The following B3GAT2 variants were observed in gnomAD, a reference collection of about 807,000 sequenced individuals.
B3GAT2 encodes beta-1,3-glucuronyltransferase 2.
Under a neutral mutation model 27.8 loss-of-function variants are expected in B3GAT2, and 26 were observed. The observed-to-expected ratio is 0.93, with a 90% confidence interval of 0.68 to 1.30. B3GAT2 has a LOEUF of 1.30. Among genes scored for constraint, B3GAT2 ranks in the 50% most tolerant of loss-of-function variants. The pLI is 0.00. For missense variants in B3GAT2, 458 were observed against 459.0 expected (o/e 1.00, Z 0.02); for synonymous variants, 218 against 195.1 (o/e 1.12, Z -0.98).
intron 1 of B3GAT2, among the ~76,000 whole-genome samples, chr6:70,914,422 G>C (rs1484511204): frequency 6.6e-6 from 1 of 152,126 alleles, no homozygotes; most frequent in Non-Finnish European, 1.5e-5. Context: ...TGAGAACGAT[G>C]ATTTCCAGCT....
chr6:70,905,953 T>A (rs535408961), intron 1 of B3GAT2, among the ~76,000 whole-genome samples: 12 of 152,138 alleles, frequency 7.9e-5, no homozygotes, highest in Admixed American at 3.3e-4. Context: ...CTGGGGCATG[T>A]ATTGGATTGT....
At chr6:70,872,997 T>C (rs1771961313) in intron 2 of B3GAT2, among the ~76,000 whole-genome samples, 1 of 152,092 alleles carries the variant, frequency 6.6e-6, no homozygotes, top group South Asian at 2.1e-4. Context: ...GCTATTATTG[T>C]CATAAAAATT....
chr6:70,901,835 C>T (rs1772504184), intron 1 of B3GAT2, among the ~76,000 whole-genome samples: 1 of 152,096 alleles, frequency 6.6e-6, no homozygotes, highest in Non-Finnish European at 1.5e-5. Flanking sequence ...CAGTATTGTT[C>T]TATGTATGAA....
chr6:70,877,549 G>C (rs1200408324), intron 2 of B3GAT2, among the ~76,000 whole-genome samples: 1 of 152,104 alleles, frequency 6.6e-6, no homozygotes, highest in Admixed American at 6.5e-5. Flanking sequence ...CTCCTTCAAA[G>C]GGGCTTCTAA....
intron 1 of B3GAT2, among the ~76,000 whole-genome samples, chr6:70,930,505 AAAC>A (rs1028237711): frequency 6.6e-6 from 1 of 152,234 alleles, no homozygotes; most frequent in African/African-American, 2.4e-5. Flanking sequence ...AGAAAAAATC[AAAC>A]AACCCCATCA....
chr6:70,912,115 TTTTC>T (rs1772698415), intron 1 of B3GAT2, among the ~76,000 whole-genome samples: 1 of 152,076 alleles, frequency 6.6e-6, no homozygotes, highest in African/African-American at 2.4e-5. Flanking sequence ...TTTGGATGCC[TTTTC>T]TTTATTTGTC....
At chr6:70,894,074 C>G in intron 2 of B3GAT2, 54 bp downstream of exon 2, 1 of 1,467,162 alleles carries the variant, frequency 6.8e-7, no homozygotes, top group Non-Finnish European at 9.1e-7. Flanking sequence ...TCGTTATAAA[C>G]AAGAGCATAA....
chr6:70,894,694 C>A (rs1453390696), intron 1 of B3GAT2, among the ~76,000 whole-genome samples: 1 of 152,190 alleles, frequency 6.6e-6, no homozygotes, highest in Admixed American at 6.5e-5. Context: ...GTCACAGGAG[C>A]GTCCTTTCTC....
intron 1 of B3GAT2, among the ~76,000 whole-genome samples, 196 bp from the exon 2 acceptor site, chr6:70,894,468 C>T (rs535267367): frequency 3.3e-5 from 5 of 152,212 alleles, no homozygotes; most frequent in South Asian, 4.2e-4. Flanking sequence ...GATCTCTACT[C>T]GGTCATAAAT....
intron 2 of B3GAT2, among the ~76,000 whole-genome samples, chr6:70,870,656 A>T (rs1771919652): frequency 1.3e-5 from 2 of 152,174 alleles, no homozygotes. Flanking sequence ...ACAAACAAAA[A>T]AACAGTTATG....
chr6:70,907,513 G>A (rs1412877335), intron 1 of B3GAT2, among the ~76,000 whole-genome samples: 1 of 152,188 alleles, frequency 6.6e-6, no homozygotes, highest in Non-Finnish European at 1.5e-5. Context: ...TCCTGTTATG[G>A]AATGTGGCTT....
chr6:70,911,525 C>T (rs1772689130), intron 1 of B3GAT2, among the ~76,000 whole-genome samples: 1 of 152,058 alleles, frequency 6.6e-6, no homozygotes, highest in African/African-American at 2.4e-5. Flanking sequence ...TGTACAAGTA[C>T]CATGCTGTTT....
At chr6:70,875,532 T>C (rs955370576) in intron 2 of B3GAT2, among the ~76,000 whole-genome samples, 2 of 152,234 alleles carry the variant, frequency 1.3e-5, no homozygotes, top group Admixed American at 6.5e-5. Flanking sequence ...TGAAGTGTTC[T>C]TTCACAGCCA....
intron 1 of B3GAT2, among the ~76,000 whole-genome samples, chr6:70,943,824 GTT>G (rs1018500879): frequency 1.3e-5 from 2 of 152,038 alleles, no homozygotes; most frequent in African/African-American, 4.8e-5. Flanking sequence ...TTGGGGAAAT[GTT>G]TGGTCAAAGG....
At position 70,857,047 on chromosome 6, in the gene B3GAT2, T is replaced by G. The variant is rs748633781; in HGVS notation, c.*4616A>C. The G allele has an allele frequency of 1.9e-6, 3 of 1,587,732 alleles. No homozygotes were observed. Among genetic ancestry groups the G allele is most frequent in the Non-Finnish European group, 2.6e-6 (3 of 1,166,626 alleles). ...GTACTCCTGGTAATGAATTTTGATA[T>G]CTGCTTTCAGTGACATTACTAGAAG... On this transcript the variant is annotated 3_prime_UTR_variant, in exon 4 of 4. Transcript: ENST00000230053.
In B3GAT2 at chr6:70,858,378, TATAA is replaced by T. The variant is rs1771536778; in HGVS notation, c.*3281_*3284del. The T allele has an allele frequency of 1.6e-6, 1 of 625,778 alleles. No homozygotes were observed. Among genetic ancestry groups the T allele is most frequent in the South Asian group, 2.7e-5 (1 of 37,262 alleles). The allele number at this position is 625,778 out of a possible 1,614,324, so 38.8% of individuals were successfully genotyped here. A position where few individuals can be genotyped will look rare whatever the true frequency, so the allele number is the denominator to read the frequency against. Reference sequence around the variant, plus strand: ...AATATGTTATAGGGTCAAAAGTATCTATAAATATTATGAAGTTGTATCAGATAGA... The same window carrying T: ...AATATGTTATAGGGTCAAAAGTATCTATATTATGAAGTTGTATCAGATAGA... On this transcript the variant is annotated 3_prime_UTR_variant, in exon 4 of 4. Coordinates refer to ENST00000230053, the MANE Select transcript of B3GAT2 (RefSeq NM_080742.3).
intron 2 of B3GAT2, among the ~76,000 whole-genome samples, chr6:70,863,279 G>T (rs1175794038): frequency 6.6e-6 from 1 of 152,176 alleles, no homozygotes. Context: ...ATACCAGGTG[G>T]TAATGGAGGA....
chr6:70,875,434 T>C (rs922152100), intron 2 of B3GAT2, among the ~76,000 whole-genome samples: 5 of 152,224 alleles, frequency 3.3e-5, no homozygotes, highest in African/African-American at 1.2e-4. Flanking sequence ...ATGTTTCCTT[T>C]GCTTATTTAC....
intron 1 of B3GAT2, among the ~76,000 whole-genome samples, chr6:70,916,678 G>C (rs1309612791): frequency 5.9e-5 from 9 of 152,190 alleles, no homozygotes; most frequent in African/African-American, 2.2e-4. Flanking sequence ...CGTTGGTTCT[G>C]TTTATGTGAT....
Sources: gnomAD v4.1 joint callset for allele counts (sites outside exome capture counted in the v4.1 genomes callset) on GRCh38, gnomAD v4.1.1 for gene constraint, MANE v1.5 for transcripts, NCBI Gene and HGNC (gene_info 2026-07-23, HGNC 2026-07-21) for gene names.